Variants in ITIH5 observed in about 807,000 individuals in gnomAD.
ITIH5 encodes the protein inter-alpha-trypsin inhibitor heavy chain H5.
ITIH5 carries 65 observed loss-of-function variants against 77.5 expected under a neutral mutation model. That is an observed-to-expected ratio of 0.84 (90% CI 0.69 to 1.03). ITIH5 has a LOEUF of 1.03. Ranked by LOEUF, ITIH5 falls within the 50% of genes least tolerant of loss-of-function variation. The pLI, the probability that ITIH5 is intolerant of heterozygous loss-of-function variation, is 0.00. For missense variants in ITIH5, 1,208 were observed against 1,213.1 expected, an observed-to-expected ratio of 1.00 and a Z score of 0.06; for synonymous variants, 525 against 494.3, an observed-to-expected ratio of 1.06 and a Z score of -0.82.
intron 7 of ITIH5, among the ~76,000 whole-genome samples, chr10:7,611,541 G>GA (rs36079962): frequency 0.23 from 34,495 of 152,098 alleles, 4,004 homozygotes; most frequent in Middle Eastern, 0.27. Flanking sequence ...ACCCTGAAGT[G>GA]CTCTGGCACC....
chr10:7,590,338 T>C (rs1463798094), intron 7 of ITIH5, among the ~76,000 whole-genome samples: 1 of 152,194 alleles, frequency 6.6e-6, no homozygotes, highest in Non-Finnish European at 1.5e-5. Flanking sequence ...ATTCCTTTAC[T>C]TCCTTTGTAT....
chr10:7,637,135 G>T, intron 5 of ITIH5, 93 bp downstream of exon 5: 1 of 1,440,248 alleles, frequency 6.9e-7, no homozygotes, highest in Non-Finnish European at 9.4e-7. Flanking sequence ...TTGCTGAAGG[G>T]AAGGGTGCCA....
chr10:7,651,897 AG>A (rs554617943), intron 2 of ITIH5, among the ~76,000 whole-genome samples: 60 of 152,262 alleles, frequency 3.9e-4, no homozygotes, highest in Admixed American at 1.1e-3. Context: ...CCCTGCCTCC[AG>A]GGATCTGTGA....
At position 7,580,814 on chromosome 10, in the gene ITIH5, T is replaced by C. The variant is rs550819663; in HGVS notation, c.1109-750A>G. On this transcript the variant is annotated intron_variant, in intron 8 of 13. Coordinates refer to ENST00000397146, the MANE Select transcript of ITIH5 (RefSeq NM_030569.7). ...AGGTGGAGCTGATGAAAGAATGAAT[T>C]TGTTGCCTTCATCGTCTCTCCTTTC... Among the ~76,000 whole-genome samples the C allele has an allele frequency of 1.6e-3, 247 of 152,176 alleles. 1 individual carries two copies. The highest frequency in any genetic ancestry group is 1.7e-3 in the Non-Finnish European group (116 of 68,008).
At chr10:7,648,339 G>T (rs934421795) in intron 2 of ITIH5, among the ~76,000 whole-genome samples, 2 of 152,096 alleles carry the variant, frequency 1.3e-5, no homozygotes, top group African/African-American at 2.4e-5. Flanking sequence ...AACTCCAAAG[G>T]TATAGTAAAT....
chr10:7,629,150 G>GGCATGTGTCCGTGTTGTT (rs1228953226), intron 5 of ITIH5, among the ~76,000 whole-genome samples: 1 of 131,174 alleles, frequency 7.6e-6, no homozygotes, highest in Non-Finnish European at 1.7e-5. Flanking sequence ...TCCGTGTTGT[G>GGCATGTGTCCGTGTTGTT]GCATGCATCC....
chr10:7,616,758 A>G (rs1172613724), intron 6 of ITIH5, among the ~76,000 whole-genome samples: 1 of 151,996 alleles, frequency 6.6e-6, no homozygotes, highest in African/African-American at 2.4e-5. Context: ...AACCTGGGAG[A>G]CGAAGGTTGC....
At chr10:7,617,832 G>A (rs1833399865) in intron 5 of ITIH5, 2 of 152,166 alleles carry the variant, frequency 1.3e-5, no homozygotes, top group African/African-American at 2.4e-5. Context: ...TGGTTGATTT[G>A]CTTGAATGAA....
intron 9 of ITIH5, chr10:7,578,667 T>C (rs1393862571): frequency 6.6e-6 from 1 of 152,230 alleles, no homozygotes; most frequent in African/African-American, 2.4e-5. Flanking sequence ...AAATGTGCTT[T>C]GACTATGGCT....
At chr10:7,608,800 G>A (rs890385483) in intron 7 of ITIH5, among the ~76,000 whole-genome samples, 1 of 152,190 alleles carries the variant, frequency 6.6e-6, no homozygotes, top group African/African-American at 2.4e-5. Context: ...CACGCCCAAG[G>A]AGTGCTTAGT....
chr10:7,635,632 G>A (rs899476046), intron 5 of ITIH5, among the ~76,000 whole-genome samples: 3 of 152,070 alleles, frequency 2.0e-5, no homozygotes, highest in African/African-American at 7.2e-5. Context: ...TGGGTCTCTC[G>A]CAGAGCCAGG....
intron 11 of ITIH5, chr10:7,572,090 GC>G (rs1832312395): frequency 9.7e-7 from 1 of 1,035,546 alleles, no homozygotes; most frequent in Admixed American, 5.1e-5. Context: ...CCAAGAGGAA[GC>G]TTTTCTGGCA....
In ITIH5 at chr10:7,561,204, G is replaced by C. The variant is rs1832033793; in HGVS notation, c.*1879C>G. The C allele has an allele frequency of 1.3e-5, 2 of 152,218 alleles. No individual in the cohort carries two copies. The highest frequency in any genetic ancestry group is 4.8e-5 in the African/African-American group (2 of 41,456). The allele number at this position is 152,218 out of a possible 1,614,324, so 9.4% of individuals were successfully genotyped here. ...ATAGCTCATTGGAATGTTTTTCTCA[G>C]CTCTTAAAGTAGCAACACAGGCAGT... is the stretch of plus-strand genomic sequence containing the variant. On this transcript the variant is annotated 3_prime_UTR_variant, in exon 14 of 14. Coordinates refer to ENST00000397146, the MANE Select transcript of ITIH5 (RefSeq NM_030569.7).
chr10:7,641,672 GGCAGGGAA>G (rs1311450262), intron 3 of ITIH5, among the ~76,000 whole-genome samples: 9 of 91,562 alleles, frequency 9.8e-5, no homozygotes, highest in East Asian at 3.6e-4. Context: ...GAGGGAGGGA[GGCAGGGAA>G]GGAGGGAGGG....
At chr10:7,655,764 T>C (rs1200159089) in intron 1 of ITIH5, 89 bp from the exon 2 acceptor site, 1 of 991,372 alleles carries the variant, frequency 1.0e-6, no homozygotes, top group Non-Finnish European at 1.6e-6. Context: ...ACATGAGTTA[T>C]ACAAGGGGGT....
In ITIH5 at chr10:7,614,689, A is replaced by T. The variant is rs910272409; in HGVS notation, c.939+1293T>A. On this transcript the variant is annotated intron_variant, in intron 7 of 13. Coordinates refer to ENST00000397146, the MANE Select transcript of ITIH5 (RefSeq NM_030569.7). ...GTAGGAAAACCAGATGCCATGAAAAACCAGAAAGCCATGGAAAACCATGAA... is the reference window on the plus strand; with the variant it reads ...GTAGGAAAACCAGATGCCATGAAAATCCAGAAAGCCATGGAAAACCATGAA... Among the ~76,000 whole-genome samples, 15 of 152,208 alleles carry T rather than the reference A, an allele frequency of 9.9e-5. No homozygotes were observed. The South Asian group carries it at 3.1e-3, about 32-fold the overall frequency.
At chr10:7,627,085 G>A (rs113022296) in intron 5 of ITIH5, among the ~76,000 whole-genome samples, 2,225 of 152,204 alleles carry the variant, frequency 0.015, 40 homozygotes, top group African/African-American at 0.039. Flanking sequence ...CACAGCAAAG[G>A]CAGATCATGA....
At chr10:7,579,531 A>G (rs1832495806) in intron 9 of ITIH5, among the ~76,000 whole-genome samples, 1 of 146,692 alleles carries the variant, frequency 6.8e-6, no homozygotes. Context: ...ATCACAAGAA[A>G]AAAAAAAAAA....
chr10:7,560,445 G>C lies in ITIH5; in HGVS notation c.*2638C>G, dbSNP rs1735197850. 6.6e-6 allele frequency: 1 copy of C among 152,214 alleles called. No homozygotes were observed. Among genetic ancestry groups the C allele is most frequent in the African/African-American group, 2.4e-5 (1 of 41,448 alleles). The allele number at this position is 152,214 out of a possible 1,614,324, so 9.4% of individuals were successfully genotyped here. On this transcript the variant is annotated 3_prime_UTR_variant, in exon 14 of 14. Transcript: ENST00000397146. ...TGCCCACTCCGATTCCCAGTCCCCG[G>C]CCTCCTCAGCACAGCTGTGGCACCG...
Sources: allele counts gnomAD v4.1 joint callset (sites outside exome capture counted in the v4.1 genomes callset), GRCh38; gene constraint gnomAD v4.1.1; transcripts MANE v1.5; gene names NCBI Gene and HGNC (gene_info 2026-07-23, HGNC 2026-07-21).